Variants in ANKRD28 observed in about 807,000 individuals in gnomAD.
ANKRD28 encodes the protein serine/threonine-protein phosphatase 6 regulatory ankyrin repeat subunit A.
Under a neutral mutation model 126.5 loss-of-function variants are expected in ANKRD28, and 44 were observed. That is an observed-to-expected ratio of 0.35 (90% confidence interval 0.27 to 0.45). The LOEUF is 0.45. Among genes scored for constraint, ANKRD28 ranks in the 20% least tolerant of loss-of-function variants. The probability of loss-of-function intolerance (pLI) is 1.00; values close to 1 mark genes in which losing one functional copy is unlikely to be tolerated. For missense variants in ANKRD28, 1,110 were observed against 1,316.6 expected (o/e 0.84, Z 2.43); for synonymous variants, 442 against 468.5 (o/e 0.94, Z 0.73).
At chr3:15,810,704 T>A in intron 1 of ANKRD28, among the ~76,000 whole-genome samples, 1 of 113,542 alleles carries the variant, frequency 8.8e-6, no homozygotes, top group Non-Finnish European at 1.8e-5. Context: ...TTCTCTCCTT[T>A]TTTTTTTTTT....
chr3:15,722,800 A>G (rs2073862000), intron 7 of ANKRD28, among the ~76,000 whole-genome samples: 1 of 152,168 alleles, frequency 6.6e-6, no homozygotes, highest in Admixed American at 6.5e-5. Context: ...CAAGGAACAG[A>G]TTCTCCCTCA....
chr3:15,762,188 T>TAA (rs1163421626), intron 3 of ANKRD28, among the ~76,000 whole-genome samples: 1,532 of 63,800 alleles, frequency 0.024, 28 homozygotes, highest in Non-Finnish European at 0.032. Context: ...ACTATGTCTT[T>TAA]AAAAAAAAAA....
chr3:15,757,830 T>A (rs1051927029), intron 3 of ANKRD28, among the ~76,000 whole-genome samples: 1 of 152,194 alleles, frequency 6.6e-6, no homozygotes, highest in African/African-American at 2.4e-5. Flanking sequence ...AAGATCTATG[T>A]TAGGGGTCTT....
At chr3:15,696,543 AC>A (rs2069601430) in intron 14 of ANKRD28, among the ~76,000 whole-genome samples, 1 of 151,940 alleles carries the variant, frequency 6.6e-6, no homozygotes, top group Non-Finnish European at 1.5e-5. Flanking sequence ...CTATACCACC[AC>A]CTATTCTACT....
chr3:15,752,765 G>A (rs1186643023), intron 3 of ANKRD28, among the ~76,000 whole-genome samples: 1 of 152,134 alleles, frequency 6.6e-6, no homozygotes, highest in Non-Finnish European at 1.5e-5. Flanking sequence ...CAGAAACAAA[G>A]CTTCATACTT....
chr3:15,684,973 G>T (rs995087006), intron 21 of ANKRD28: 12 of 459,952 alleles, frequency 2.6e-5, no homozygotes, highest in African/African-American at 2.4e-4. Flanking sequence ...AAAAAGAAAA[G>T]AAAAGAAAAG....
At position 15,711,218 on chromosome 3, in the gene ANKRD28, C is replaced by G. The variant is rs578025692; in HGVS notation, c.1330G>C (p.Ala444Pro). ...FGRTCLHAAA[A>P]GGNLECLNLL... ...AAAATACTATTAACATACCCTCCAG[C>G]TGCAGCTGCATGTAGACAAGTCCTG... The change falls in exon 12 of 28, where the codon GCT becomes CCT. Residue 444 changes from alanine (A) to proline (P), a missense_variant. Physicochemically the swap from Ala to Pro is conservative, Grantham distance 27. Coordinates refer to ENST00000683139, the MANE Select transcript of ANKRD28 (RefSeq NM_001349278.2). 6.2e-7 allele frequency: 1 copy of G among 1,612,096 alleles called. No individual in the cohort carries two copies. The highest frequency in any genetic ancestry group is 1.3e-5 in the African/African-American group (1 of 74,996).
intron 2 of ANKRD28, among the ~76,000 whole-genome samples, chr3:15,786,518 T>C (rs2059786442): frequency 1.3e-5 from 2 of 152,054 alleles, no homozygotes; most frequent in Admixed American, 6.6e-5. Context: ...TTGGGAGCCA[T>C]AGAAATGTTA....
At chr3:15,679,628 A>T in intron 21 of ANKRD28, 65 bp from the exon 22 acceptor site, 1 of 1,279,900 alleles carries the variant, frequency 7.8e-7, no homozygotes. Context: ...TCACAGGTAC[A>T]TGTAAGTGTT....
rs149599429 is a variant in ANKRD28 at position 15,711,995 on chromosome 3, C to G, written c.1273+145G>C. The G allele has an allele frequency of 8.4e-3, 5,605 of 665,932 alleles. 45 individuals are homozygous for G. The highest frequency in any genetic ancestry group is 0.012 in the Non-Finnish European group (4,553 of 381,458). 41.3% of individuals were successfully genotyped at this position (665,932 alleles called of 1,614,324 possible). A position where few individuals can be genotyped will look rare whatever the true frequency, so the allele number is the denominator to read the frequency against. On this transcript the variant is annotated intron_variant, in intron 11 of 27. Coordinates refer to ENST00000683139, the MANE Select transcript of ANKRD28 (RefSeq NM_001349278.2). ...ACAGGCATGAGCCACCACGCCAGAC[C>G]TGAACCCAACACGTTCTAAAAGGGG...
chr3:15,686,353 T>TA, intron 18 of ANKRD28, 44 bp from the exon 19 acceptor site: 1 of 1,421,498 alleles, frequency 7.0e-7, no homozygotes, highest in Non-Finnish European at 9.7e-7. Context: ...CATATAATGA[T>TA]AAAATAGAAA....
chr3:15,798,030 A>C (rs1428720929), upstream of ANKRD28: 1 of 985,286 alleles, frequency 1.0e-6, no homozygotes, highest in East Asian at 1.1e-4. Flanking sequence ...AAAATAGTGC[A>C]TTTGGACAGC....
intron 11 of ANKRD28, 98 bp from the exon 12 acceptor site, chr3:15,711,372 C>G: frequency 1.0e-6 from 1 of 982,850 alleles, no homozygotes; most frequent in Non-Finnish European, 1.6e-6. Context: ...CCCTCCAATC[C>G]CAAACAAAAC....
At position 15,797,622 on chromosome 3, in the gene ANKRD28, C is replaced by T. The variant is rs2060337125; in HGVS notation, c.-1101G>A. The T allele has an allele frequency of 1.0e-6, 1 of 984,998 alleles. No individual in the cohort carries two copies. Among genetic ancestry groups the T allele is most frequent in the Non-Finnish European group, 1.2e-6 (1 of 829,890 alleles). The allele number at this position is 984,998 out of a possible 1,614,324, so 61.0% of individuals were successfully genotyped here. On this transcript the variant is annotated 5_prime_UTR_variant, in exon 1 of 28. The change creates a new upstream start codon in the 5' untranslated region. Transcript: ENST00000683139. ...ATTCCAGTGTTTCCTTTGATCTCCA[C>T]ATGAATACAGCTTCCATTAAACAGT...
In ANKRD28 at chr3:15,830,573, A is replaced by C. The variant is rs1300708395; in HGVS notation, c.27+28804T>G. On this transcript the variant is annotated intron_variant, in intron 1 of 27. Coordinates refer to the ANKRD28 transcript ENST00000399451. This position sits in a 1 kb window ranked among gnomAD's most constrained non-coding sequence, Gnocchi z 4.5. ...AACAGTTTCATCTCAAAACCATCCC[A>C]CCCCCCACCGCACCCCCATCCACGG... is the stretch of plus-strand genomic sequence containing the variant. Among the ~76,000 whole-genome samples, 4 of 147,086 alleles carry C rather than the reference A, an allele frequency of 2.7e-5. No individual in the cohort carries two copies. Among genetic ancestry groups the C allele is most frequent in the African/African-American group, 1.0e-4 (4 of 39,850 alleles).
At chr3:15,811,646 G>C (rs2060714413) in intron 1 of ANKRD28, among the ~76,000 whole-genome samples, 1 of 151,732 alleles carries the variant, frequency 6.6e-6, no homozygotes. Flanking sequence ...GTAGAGACGG[G>C]GTTTCACCAT....
intron 2 of ANKRD28, among the ~76,000 whole-genome samples, chr3:15,794,076 A>AATACATACATAC (rs59495170): frequency 6.6e-6 from 1 of 151,922 alleles, no homozygotes; most frequent in African/African-American, 2.4e-5. Flanking sequence ...TCTCTAAATA[A>AATACATACATAC]ATACATACAT....
chr3:15,670,568 G>A lies in ANKRD28; in HGVS notation c.2966-12C>T, dbSNP rs1236931171. The A allele has an allele frequency of 6.2e-7, 1 of 1,602,458 alleles. No homozygotes were observed. Among genetic ancestry groups the A allele is most frequent in the South Asian group, 1.1e-5 (1 of 89,686 alleles). On this transcript the variant is annotated splice_polypyrimidine_tract_variant and intron_variant, in intron 27 of 27. Coordinates refer to ENST00000683139, the MANE Select transcript of ANKRD28 (RefSeq NM_001349278.2). The stretch of plus-strand genomic sequence containing the variant: ...AGCTGGGGTATAGCCTAGAATTAAA[G>A]ATAAAATTTAAAAATTAAGCATCCT...
At chr3:15,731,004 C>T (rs1477471773) in intron 6 of ANKRD28, among the ~76,000 whole-genome samples, 1 of 152,212 alleles carries the variant, frequency 6.6e-6, no homozygotes, top group Non-Finnish European at 1.5e-5. Context: ...TCACTAGATG[C>T]TAGTGCCTTG....
Sources: gnomAD v4.1 joint callset for allele counts (sites outside exome capture counted in the v4.1 genomes callset) on GRCh38, gnomAD v4.1.1 for gene constraint, Gnocchi (gnomAD v3.1) non-coding constraint, MANE v1.5 for transcripts, NCBI Gene and HGNC (gene_info 2026-07-23, HGNC 2026-07-21) for gene names.